TNFRSF8: variants seen among roughly 807,000 people sequenced by gnomAD.
TNFRSF8 encodes TNF receptor superfamily member 8, also known as tumor necrosis factor receptor superfamily member 8.
A neutral mutation model predicts 70.8 loss-of-function variants in TNFRSF8; 26 were observed. The ratio of observed to expected loss-of-function variants is 0.37; its 90% CI spans 0.27 to 0.51. The LOEUF (loss-of-function observed/expected upper bound fraction) is 0.51, where lower values mean the gene tolerates loss of function less well. Ranked by LOEUF, TNFRSF8 falls within the 20% of genes least tolerant of loss-of-function variation. TNFRSF8 has a pLI of 0.94. For missense variants in TNFRSF8, 720 were observed against 807.9 expected, an observed-to-expected ratio of 0.89 and a Z score of 1.32; for synonymous variants, 356 against 339.2, an observed-to-expected ratio of 1.05 and a Z score of -0.54.
intron 9 of TNFRSF8, 142 bp downstream of exon 9, chr1:12,123,519 C>A: frequency 1.1e-6 from 1 of 951,320 alleles, no homozygotes; most frequent in Non-Finnish European, 1.6e-6. Flanking sequence ...GTGCCCATCT[C>A]TTTGCTGACA....
At chr1:12,132,334 A>G (rs1414845553) in intron 12 of TNFRSF8, among the ~76,000 whole-genome samples, 1 of 152,220 alleles carries the variant, frequency 6.6e-6, no homozygotes, top group Non-Finnish European at 1.5e-5. Context: ...TTCAGTCATC[A>G]TGTCGCCTTA....
intron 6 of TNFRSF8, 41 bp from the exon 7 acceptor site, chr1:12,111,857 C>T (rs775782553): frequency 1.3e-6 from 2 of 1,583,962 alleles, no homozygotes; most frequent in East Asian, 2.2e-5. Flanking sequence ...AGGCCTTTGC[C>T]AAGGCGGCCT....
rs1399481830 is a variant in TNFRSF8, at chr1:12,128,920, C to T, written c.1309+2684C>T. 2.7e-5 allele frequency among the ~76,000 whole-genome samples: 4 copies of T among 150,312 alleles called. No individual in the cohort carries two copies. In the South Asian group the frequency reaches 6.3e-4, roughly 24 times the overall value. ...TGCCATCTGGGTTCACTGCAACCTC[C>T]GCCTCACGGGTTCAAGTGATTCTCC... On this transcript the variant is annotated intron_variant, in intron 12 of 14. Coordinates refer to ENST00000263932, the MANE Select transcript of TNFRSF8 (RefSeq NM_001243.5).
chr1:12,093,251 A>G (rs910636683), intron 2 of TNFRSF8, among the ~76,000 whole-genome samples: 2 of 152,076 alleles, frequency 1.3e-5, no homozygotes, highest in African/African-American at 4.8e-5. Flanking sequence ...CAGCATATAT[A>G]TTTTTTTGGG....
At position 12,088,563 on chromosome 1, in the gene TNFRSF8, C is replaced by T. The variant is rs1416207770; in HGVS notation, c.151+4012C>T. Among the ~76,000 whole-genome samples, 6 of 152,224 alleles carry T rather than the reference C, an allele frequency of 3.9e-5. No homozygotes were observed. The highest frequency in any genetic ancestry group is 9.6e-5 in the African/African-American group (4 of 41,460). On this transcript the variant is annotated intron_variant, in intron 2 of 14. Transcript: ENST00000263932. The surrounding 1 kb of genome is among the most constrained non-coding windows in gnomAD (Gnocchi z 4.0). ...TAATGCGGGGGCTACAAAGCCCTTC[C>T]TGTTCTCCATCTTCCTGGACTACCC... is the stretch of plus-strand genomic sequence containing the variant.
intron 13 of TNFRSF8, among the ~76,000 whole-genome samples, chr1:12,137,503 T>G (rs1642167706): frequency 6.6e-6 from 1 of 151,324 alleles, no homozygotes; most frequent in Non-Finnish European, 1.5e-5. Flanking sequence ...CCTGTAAAAA[T>G]CAAAAACTAA....
intron 8 of TNFRSF8, among the ~76,000 whole-genome samples, chr1:12,118,401 G>A (rs1347565542): frequency 2.6e-5 from 4 of 151,986 alleles, no homozygotes; most frequent in East Asian, 1.9e-4. Flanking sequence ...GTGAGCCACC[G>A]CACCCGGCCA....
chr1:12,123,432 G>C, intron 9 of TNFRSF8, 55 bp downstream of exon 9: 2 of 1,507,370 alleles, frequency 1.3e-6, no homozygotes, highest in Non-Finnish European at 1.8e-6. Flanking sequence ...AGCTGTCCCT[G>C]CCATGCCCAG....
At chr1:12,068,840 C>T (rs530058749) in intron 1 of TNFRSF8, among the ~76,000 whole-genome samples, 18 of 151,948 alleles carry the variant, frequency 1.2e-4, no homozygotes, top group African/African-American at 4.3e-4. Context: ...TTTAGATGAT[C>T]TTCATGATAT....
intron 2 of TNFRSF8, among the ~76,000 whole-genome samples, chr1:12,096,036 T>G (rs1014342758): frequency 1.3e-5 from 2 of 152,232 alleles, no homozygotes; most frequent in Admixed American, 6.5e-5. Context: ...GACATCTTTC[T>G]GGATTGCTTT....
At chr1:12,117,521 C>T (rs937048415) in intron 8 of TNFRSF8, among the ~76,000 whole-genome samples, 1 of 152,160 alleles carries the variant, frequency 6.6e-6, no homozygotes, top group African/African-American at 2.4e-5. Context: ...GCTAGCCACA[C>T]CCCATCACCC....
intron 2 of TNFRSF8, among the ~76,000 whole-genome samples, chr1:12,086,874 T>A (rs552019197): frequency 2.0e-5 from 3 of 152,078 alleles, no homozygotes; most frequent in Admixed American, 6.6e-5. Flanking sequence ...CATTTAACCT[T>A]AATTATCTCC....
chr1:12,142,529 T>C lies in TNFRSF8; in HGVS notation c.1786T>C (p.Ter596ArgextTer36). 6.4e-7 allele frequency: 1 copy of C among 1,564,540 alleles called. No individual in the cohort carries two copies. Among genetic ancestry groups the C allele is most frequent in the South Asian group, 1.2e-5 (1 of 85,280 alleles). The change falls in exon 15 of 15, where the codon TGA (stop) becomes CGA (arginine). Residue 596 changes from the stop codon to arginine (R), a stop_lost. Coordinates refer to ENST00000263932, the MANE Select transcript of TNFRSF8 (RefSeq NM_001243.5). The surrounding 1 kb of genome is among the most constrained non-coding windows in gnomAD (Gnocchi z 5.0). The stretch of plus-strand genomic sequence containing the variant: ...CTTGCCCACAGCTGCCTCTGGAAAG[T>C]GAGGCCTGGGCTGGGCTGGGGCTAG... ...DPLPTAASGK[*>R]
intron 3 of TNFRSF8, among the ~76,000 whole-genome samples, chr1:12,098,665 C>T (rs1457589824): frequency 6.7e-6 from 1 of 150,242 alleles, no homozygotes; most frequent in Non-Finnish European, 1.5e-5. Context: ...GCAAAAGATA[C>T]TGCAATTCCT....
At chr1:12,072,372 A>G (rs1043098551) in intron 1 of TNFRSF8, among the ~76,000 whole-genome samples, 2 of 152,128 alleles carry the variant, frequency 1.3e-5, no homozygotes, top group African/African-American at 4.8e-5. Context: ...GGTGGCCAGT[A>G]CTGCGTAGGG....
intron 2 of TNFRSF8, among the ~76,000 whole-genome samples, chr1:12,095,393 T>C (rs1411930978): frequency 6.6e-6 from 1 of 151,958 alleles, no homozygotes; most frequent in Admixed American, 6.6e-5. Flanking sequence ...GTTCAAGTGA[T>C]TCTCCTGCCT....
At position 12,141,122 on chromosome 1, in the gene TNFRSF8, G is replaced by C. The variant is rs574679177; in HGVS notation, c.1544-1165G>C. ...ACCAGAATAGAAGAACCAGCGTCAT[G>C]CAATAGGGTTGAGGGTGTGGGGGAC... is the stretch of plus-strand genomic sequence containing the variant. On this transcript the variant is annotated intron_variant, in intron 14 of 14. Coordinates refer to ENST00000263932, the MANE Select transcript of TNFRSF8 (RefSeq NM_001243.5). This position sits in a 1 kb window ranked among gnomAD's most constrained non-coding sequence, Gnocchi z 5.4. Among the ~76,000 whole-genome samples, 1 of 152,344 alleles carries C rather than the reference G, an allele frequency of 6.6e-6. No homozygotes were observed. The highest frequency in any genetic ancestry group is 1.9e-4 in the East Asian group (1 of 5,194).
At chr1:12,116,283 G>A (rs1433397523) in intron 8 of TNFRSF8, among the ~76,000 whole-genome samples, 2 of 152,004 alleles carry the variant, frequency 1.3e-5, no homozygotes, top group African/African-American at 4.8e-5. Flanking sequence ...GCCCAGCCCC[G>A]GGCTGGTAAA....
At chr1:12,096,684 T>C (rs1641337049) in intron 2 of TNFRSF8, among the ~76,000 whole-genome samples, 5 of 152,174 alleles carry the variant, frequency 3.3e-5, no homozygotes, top group Admixed American at 1.3e-4. Context: ...TGTAGTACTT[T>C]ATACATATTT....
Sources: gnomAD v4.1 joint callset for allele counts (sites outside exome capture counted in the v4.1 genomes callset) on GRCh38, gnomAD v4.1.1 for gene constraint, Gnocchi (gnomAD v3.1) non-coding constraint, MANE v1.5 for transcripts, NCBI Gene and HGNC (gene_info 2026-07-23, HGNC 2026-07-21) for gene names.